The following CAST variants were observed in gnomAD, a reference collection of about 807,000 sequenced individuals.
CAST encodes MIR583 host.
Under a neutral mutation model 119.6 loss-of-function variants are expected in CAST, and 76 were observed. That is an observed-to-expected ratio of 0.64 (90% CI 0.53 to 0.77). The LOEUF (loss-of-function observed/expected upper bound fraction) is 0.77. CAST is among the 30% of genes least tolerant of loss of function. The pLI is 0.00. For synonymous variants in CAST, 319 were observed against 331.6 expected, an observed-to-expected ratio of 0.96 and a Z score of 0.41; for missense variants, 953 against 946.5, an observed-to-expected ratio of 1.01 and a Z score of -0.09.
chr5:96,279,322 T>C, the CAST span, among the ~76,000 whole-genome samples: 1 of 152,138 alleles, frequency 6.6e-6, no homozygotes, highest in Non-Finnish European at 1.5e-5. Flanking sequence ...TCCCCTTGTG[T>C]TTTTGCCAGC....
the CAST span, among the ~76,000 whole-genome samples, chr5:96,285,494 T>C: frequency 7.2e-5 from 11 of 152,358 alleles, no homozygotes; most frequent in African/African-American, 2.4e-4. Flanking sequence ...TTATTACTCA[T>C]TACAAGATTA....
the CAST span, among the ~76,000 whole-genome samples, chr5:96,488,801 G>A: frequency 1.3e-5 from 2 of 150,032 alleles, no homozygotes; most frequent in Non-Finnish European, 3.0e-5. Context: ...ATTAAGAAAA[G>A]TTTAGTAAAT....
At chr5:96,638,542 A>G (rs1747910650) in intron 1 of CAST, among the ~76,000 whole-genome samples, 1 of 152,216 alleles carries the variant, frequency 6.6e-6, no homozygotes, top group Non-Finnish European at 1.5e-5. Context: ...ACCTCCCCCA[A>G]ACACCTTGGT....
chr5:96,689,589 T>A (rs1382647071), intron 2 of CAST, among the ~76,000 whole-genome samples: 4 of 152,188 alleles, frequency 2.6e-5, no homozygotes, highest in Non-Finnish European at 4.4e-5. Context: ...TGTGCACACA[T>A]GAGCACACAC....
At chr5:96,565,345 T>A (rs1007389926) in intron 1 of CAST, among the ~76,000 whole-genome samples, 9 of 152,154 alleles carry the variant, frequency 5.9e-5, no homozygotes, top group African/African-American at 1.7e-4. Context: ...TTCTACAAGG[T>A]ATACATGTCT....
At chr5:95,961,603 C>G in the CAST span, 1 of 1,605,552 alleles carries the variant, frequency 6.2e-7, no homozygotes, top group Non-Finnish European at 8.5e-7. Flanking sequence ...CTCGAGCGCC[C>G]GGATCGCCGT....
At chr5:96,182,309 C>T in the CAST span, among the ~76,000 whole-genome samples, 3 of 152,178 alleles carry the variant, frequency 2.0e-5, no homozygotes, top group Non-Finnish European at 2.9e-5. Flanking sequence ...AGATCCTTGG[C>T]TGGTGGAGAA....
chr5:96,096,969 C>A, the CAST span, among the ~76,000 whole-genome samples: 1 of 152,120 alleles, frequency 6.6e-6, no homozygotes, highest in Admixed American at 6.6e-5. Flanking sequence ...TAAAGATCAT[C>A]GAAATTCTCC....
At chr5:96,384,118 A>G in the CAST span, among the ~76,000 whole-genome samples, 9 of 152,268 alleles carry the variant, frequency 5.9e-5, no homozygotes, top group Non-Finnish European at 1.3e-4. Context: ...TGTACAGAGA[A>G]GAGGAGGTAT....
the CAST span, among the ~76,000 whole-genome samples, chr5:96,059,470 A>T: frequency 1.3e-5 from 2 of 152,164 alleles, no homozygotes; most frequent in Non-Finnish European, 2.9e-5. Flanking sequence ...TATCCCCTAA[A>T]GGATCTAAGG....
chr5:96,750,358 C>T (rs569597833), intron 19 of CAST, among the ~76,000 whole-genome samples: 31 of 152,060 alleles, frequency 2.0e-4, no homozygotes, highest in East Asian at 3.9e-4. Flanking sequence ...CTCAGTTTCA[C>T]GAGTTTCAGT....
chr5:96,085,503 G>A, the CAST span, among the ~76,000 whole-genome samples: 1 of 152,176 alleles, frequency 6.6e-6, no homozygotes, highest in African/African-American at 2.4e-5. Flanking sequence ...GCTGTCAGCA[G>A]CAATGATTTC....
chr5:96,529,349 T>C (rs891326195), upstream of CAST, among the ~76,000 whole-genome samples: 1 of 150,628 alleles, frequency 6.6e-6, no homozygotes, highest in African/African-American at 2.5e-5. Context: ...CTAAGCTGTG[T>C]TCATAAGCAT....
chr5:96,053,466 G>A, the CAST span, among the ~76,000 whole-genome samples: 1 of 152,174 alleles, frequency 6.6e-6, no homozygotes, highest in Admixed American at 6.5e-5. Context: ...AAATTTCCAT[G>A]ATAGACTTTG....
chr5:96,413,609 G>A, the CAST span, among the ~76,000 whole-genome samples: 1 of 151,364 alleles, frequency 6.6e-6, no homozygotes, highest in Admixed American at 6.6e-5. Flanking sequence ...AGACCAGCCT[G>A]GCCAACATGG....
chr5:96,746,502 TTGTCAAAGGACA>T (rs1236778505), intron 17 of CAST, 77 bp downstream of exon 17: 1 of 865,018 alleles, frequency 1.2e-6, no homozygotes, highest in East Asian at 2.4e-5. Flanking sequence ...ACCCTTGACA[TTGTCAAAGGACA>T]TGTCTGTCCC....
chr5:96,748,885 A>G (rs1365042026), intron 19 of CAST, among the ~76,000 whole-genome samples: 1 of 152,016 alleles, frequency 6.6e-6, no homozygotes, highest in East Asian at 1.9e-4. Context: ...ACCTGATTGG[A>G]ACTGTCACCA....
At chr5:96,258,966 A>G in the CAST span, among the ~76,000 whole-genome samples, 1 of 152,256 alleles carries the variant, frequency 6.6e-6, no homozygotes, top group South Asian at 2.1e-4. Flanking sequence ...GTCAGACAAG[A>G]TAAATCCCAA....
At chr5:96,584,403 C>G (rs2150190031) in intron 1 of CAST, 1 of 152,328 alleles carries the variant, frequency 6.6e-6, no homozygotes, top group Admixed American at 6.5e-5. Context: ...GACCCCTGAC[C>G]TAGATGGTAA....
Sources: gnomAD v4.1 joint callset for allele counts (sites outside exome capture counted in the v4.1 genomes callset) on GRCh38, gnomAD v4.1.1 for gene constraint, MANE v1.5 for transcripts, NCBI Gene and HGNC (gene_info 2026-07-23, HGNC 2026-07-21) for gene names.